Variants in FRMD4A observed in about 807,000 individuals in gnomAD.
The protein encoded by FRMD4A is FERM domain containing 4A, also known as FERM domain-containing protein 4A.
FRMD4A carries 29 observed loss-of-function variants against 129.1 expected under a neutral mutation model. That is an observed-to-expected ratio of 0.22 (90% CI 0.17 to 0.31). The LOEUF is 0.31. FRMD4A is among the 10% of genes least tolerant of loss of function. The pLI, the probability that FRMD4A is intolerant of heterozygous loss-of-function variation, is 1.00. For missense variants in FRMD4A, 1,272 were observed against 1,375.8 expected (o/e 0.92, Z 1.19); for synonymous variants, 634 against 571.6 (o/e 1.11, Z -1.56).
chr10:13,781,824 G>A (rs1475603262), intron 6 of FRMD4A, among the ~76,000 whole-genome samples: 1 of 57,972 alleles, frequency 1.7e-5, no homozygotes, highest in Non-Finnish European at 2.9e-5. Flanking sequence ...TGAGGAAAAC[G>A]GGGAAGGGGA....
chr10:14,220,812 T>TGTGTTTG (rs1843230839), intron 2 of FRMD4A, among the ~76,000 whole-genome samples: 2 of 45,354 alleles, frequency 4.4e-5, no homozygotes, highest in African/African-American at 8.6e-5. Context: ...GTGTGTGTGT[T>TGTGTTTG]TGTGTGTGTG....
chr10:14,157,105 C>T (rs1173927693), intron 2 of FRMD4A, among the ~76,000 whole-genome samples: 2 of 152,208 alleles, frequency 1.3e-5, no homozygotes, highest in Non-Finnish European at 2.9e-5. Flanking sequence ...AAAAGTCTAG[C>T]CTGAATCTAA....
intron 3 of FRMD4A, among the ~76,000 whole-genome samples, chr10:13,831,042 G>T (rs1475189199): frequency 6.6e-6 from 1 of 152,060 alleles, no homozygotes. Flanking sequence ...CACCTGCCTT[G>T]GCCTCCCAAA....
Position 13,886,425 on chromosome 10 carries a change from A to T in FRMD4A, c.46-27513T>A, listed in dbSNP as rs1589163052. Among the ~76,000 whole-genome samples the T allele has an allele frequency of 2.0e-5, 3 of 152,278 alleles. No individual in the cohort carries two copies. In the East Asian group the frequency reaches 5.8e-4, roughly 29 times the overall value. ...AGGTTTGGGATTCTGCATTAGGACC[A>T]GGACTCCGGACTTTAAGGTTGGTAA... On this transcript the variant is annotated intron_variant, in intron 2 of 24. Transcript: ENST00000357447.
chr10:13,728,365 A>C (rs2090060739), intron 12 of FRMD4A, among the ~76,000 whole-genome samples: 1 of 151,952 alleles, frequency 6.6e-6, no homozygotes, highest in South Asian at 2.1e-4. Context: ...CCCACATGGA[A>C]ATGCTGGTAT....
At chr10:14,164,601 T>C (rs1354621006) in intron 2 of FRMD4A, among the ~76,000 whole-genome samples, 3 of 152,134 alleles carry the variant, frequency 2.0e-5, no homozygotes, top group Admixed American at 2.0e-4. Flanking sequence ...CATTTCTACG[T>C]TGGGAACAGG....
At chr10:14,318,102 C>T (rs954567970) in intron 2 of FRMD4A, among the ~76,000 whole-genome samples, 27 of 152,138 alleles carry the variant, frequency 1.8e-4, no homozygotes, top group African/African-American at 6.3e-4. Flanking sequence ...ATTGTAGCAG[C>T]ATATGGCACT....
Position 13,740,606 on chromosome 10 carries a change from T to C in FRMD4A, c.549-29A>G, listed in dbSNP as rs759435086. The C allele has an allele frequency of 9.2e-6, 11 of 1,193,390 alleles. No individual in the cohort carries two copies. In the Admixed American group the frequency reaches 9.6e-5, roughly 10 times the overall value. 73.9% of individuals were successfully genotyped at this position (1,193,390 alleles called of 1,614,324 possible). On this transcript the variant is annotated intron_variant, in intron 9 of 24. Coordinates refer to ENST00000357447, the MANE Select transcript of FRMD4A (RefSeq NM_018027.5). ...TAATTAGAAGAAAAGAATGCTGTTG[T>C]TGGAGTCTCTAGGTCAACAGCCAAG...
chr10:13,963,269 CTTTTTTTT>C (rs142764391), intron 2 of FRMD4A, among the ~76,000 whole-genome samples: 5 of 116,816 alleles, frequency 4.3e-5, no homozygotes, highest in Non-Finnish European at 7.1e-5. Flanking sequence ...GTGCAAGCCT[CTTTTTTTT>C]TTTTTTTTTT....
Position 14,206,500 on chromosome 10 carries a change from T to A in FRMD4A, c.45+123558A>T, listed in dbSNP as rs544443485. Among the ~76,000 whole-genome samples the A allele has an allele frequency of 1.4e-4, 22 of 152,190 alleles. No individual in the cohort carries two copies. The South Asian group carries it at 4.6e-3, about 32-fold the overall frequency. On this transcript the variant is annotated intron_variant, in intron 2 of 24. Transcript: ENST00000357447. ...ACAAATGTTCCATATTAAAACCTAA[T>A]CTTTAAAAAGAGAAAGACTGGGCTC...
chr10:13,979,633 G>A (rs2095553715), intron 2 of FRMD4A, among the ~76,000 whole-genome samples: 1 of 152,212 alleles, frequency 6.6e-6, no homozygotes, highest in African/African-American at 2.4e-5. Flanking sequence ...CTCGTTGGGG[G>A]TATTACATTG....
At chr10:13,958,281 GTTTTTTTTTT>G (rs35369777) in intron 2 of FRMD4A, among the ~76,000 whole-genome samples, 1,080 of 104,660 alleles carry the variant, frequency 0.01, 19 homozygotes, top group African/African-American at 0.039. Context: ...CATGACCATT[GTTTTTTTTTT>G]TTTTTTTTTT....
Position 13,663,501 on chromosome 10 carries a change from T to A in FRMD4A, c.1612A>T (p.Ile538Phe). The A allele has an allele frequency of 2.6e-6, 4 of 1,534,204 alleles. No homozygotes were observed. Among genetic ancestry groups the A allele is most frequent in the Non-Finnish European group, 3.6e-6 (4 of 1,106,854 alleles). Residue 538 changes from isoleucine (I) to phenylalanine (F), a missense_variant, in exon 19 of 25, where the codon ATT (isoleucine) becomes TTT (phenylalanine). Coordinates refer to ENST00000357447, the MANE Select transcript of FRMD4A (RefSeq NM_018027.5). ...GAGAGGGAGCTGTCTTCACTGGCAA[T>A]GTTTCCATCTGAGAAGACAAAAAGC... The part of the protein sequence containing the change: ...RASLIIDDGN[I>F]ASEDSSLSDA...
intron 4 of FRMD4A, among the ~76,000 whole-genome samples, chr10:13,803,485 C>A (rs1437220040): frequency 6.6e-6 from 1 of 150,806 alleles, no homozygotes; most frequent in East Asian, 1.9e-4. Context: ...GTGCACACCA[C>A]CACTCCTGGC....
At chr10:13,951,929 T>TAATAATAGTAAA (rs1554984653) in intron 2 of FRMD4A, among the ~76,000 whole-genome samples, 49 of 145,966 alleles carry the variant, frequency 3.4e-4, no homozygotes, top group South Asian at 4.3e-4. Context: ...ATAATAATAA[T>TAATAATAGTAAA]AAACAATCTA....
chr10:14,114,632 C>A (rs554739788), intron 2 of FRMD4A, among the ~76,000 whole-genome samples: 3 of 152,094 alleles, frequency 2.0e-5, no homozygotes, highest in Non-Finnish European at 4.4e-5. Flanking sequence ...GCAGAGATGG[C>A]GGCCAGAGAA....
At chr10:14,223,764 AGAG>A (rs1390077297) in intron 2 of FRMD4A, among the ~76,000 whole-genome samples, 4,869 of 114,232 alleles carry the variant, frequency 0.043, 457 homozygotes, top group African/African-American at 0.17. Flanking sequence ...AAAAAAAAAA[AGAG>A]AGAGAGAGAG....
At chr10:13,858,618 A>G (rs773354122) in intron 3 of FRMD4A, among the ~76,000 whole-genome samples, 6 of 152,232 alleles carry the variant, frequency 3.9e-5, no homozygotes, top group Non-Finnish European at 8.8e-5. Context: ...AGAAATTTGT[A>G]ACAATAGGGT....
At chr10:14,319,269 C>T (rs1337373757) in intron 2 of FRMD4A, among the ~76,000 whole-genome samples, 4 of 151,368 alleles carry the variant, frequency 2.6e-5, no homozygotes, top group African/African-American at 7.3e-5. Flanking sequence ...ATGAGTGTAA[C>T]AAAATACTGA....
Sources: allele counts gnomAD v4.1 joint callset (sites outside exome capture counted in the v4.1 genomes callset), GRCh38; gene constraint gnomAD v4.1.1; transcripts MANE v1.5; gene names NCBI Gene and HGNC (gene_info 2026-07-23, HGNC 2026-07-21).